The following CYP39A1 variants were observed in gnomAD, a reference collection of about 807,000 sequenced individuals.
CYP39A1 encodes the protein 24-hydroxycholesterol 7-alpha-hydroxylase.
In CYP39A1, 49 loss-of-function variants were observed where a neutral mutation model predicts 58.1. The observed-to-expected ratio is 0.84, with a 90% CI of 0.67 to 1.07. The LOEUF (loss-of-function observed/expected upper bound fraction) is 1.07. Among genes scored for constraint, CYP39A1 ranks in the 50% least tolerant of loss-of-function variants. The pLI is 0.00. For synonymous variants in CYP39A1, 209 were observed against 187.6 expected (o/e 1.11, Z -0.93); for missense variants, 531 against 539.4 (o/e 0.98, Z 0.16).
intron 7 of CYP39A1, among the ~76,000 whole-genome samples, chr6:46,601,688 A>C (rs528109772): frequency 1.3e-5 from 2 of 149,426 alleles, no homozygotes; most frequent in Non-Finnish European, 3.0e-5. Flanking sequence ...TATTATTATT[A>C]TTATTATTAT....
At chr6:46,611,097 T>C (rs910449715) in intron 7 of CYP39A1, among the ~76,000 whole-genome samples, 1 of 152,214 alleles carries the variant, frequency 6.6e-6, no homozygotes, top group African/African-American at 2.4e-5. Flanking sequence ...ACCACACATG[T>C]TTCTACTCTC....
chr6:46,639,176 G>A (rs1246341058), intron 3 of CYP39A1, among the ~76,000 whole-genome samples: 1 of 152,094 alleles, frequency 6.6e-6, no homozygotes, highest in African/African-American at 2.4e-5. Flanking sequence ...ATTATAAGAA[G>A]AAAATCCGTG....
intron 10 of CYP39A1, among the ~76,000 whole-genome samples, chr6:46,558,953 G>A (rs1052155197): frequency 8.4e-5 from 12 of 142,672 alleles, no homozygotes; most frequent in East Asian, 2.1e-4. Flanking sequence ...CCGAGATCGC[G>A]CCACTGCGCT....
At chr6:46,552,279 C>T (rs1342965730) in intron 11 of CYP39A1, among the ~76,000 whole-genome samples, 5 of 152,098 alleles carry the variant, frequency 3.3e-5, no homozygotes, top group African/African-American at 9.7e-5. Flanking sequence ...GTCCATAAAG[C>T]CTGACCCTGA....
At chr6:46,638,563 T>C (rs1037904586) in intron 3 of CYP39A1, among the ~76,000 whole-genome samples, 14 of 152,238 alleles carry the variant, frequency 9.2e-5, no homozygotes, top group Non-Finnish European at 1.5e-4. Context: ...ACTGTTTATT[T>C]AATTTTTATT....
intron 10 of CYP39A1, among the ~76,000 whole-genome samples, chr6:46,579,666 A>G (rs536827850): frequency 1.3e-5 from 2 of 152,330 alleles, no homozygotes; most frequent in African/African-American, 4.8e-5. Flanking sequence ...AAGTTTCAGA[A>G]TACAAAATCA....
In CYP39A1 at chr6:46,588,126, A is replaced by C. The variant is rs771986688; in HGVS notation, c.1069T>G (p.Tyr357Asp). ...KVVKPVEILNYIIPSGDLLML... is the reference protein window; with the variant it reads ...KVVKPVEILNDIIPSGDLLML... ...AACAAGTCACCAGAAGGAATGATGT[A>C]ATTCTATAACAGAAAAATCAGCTGC... Residue 357 changes from tyrosine to aspartate, a missense_variant, in exon 9 of 12, where the codon TAC becomes GAC. Transcript: ENST00000275016. 12 of 1,575,878 alleles carry C rather than the reference A, an allele frequency of 7.6e-6. No homozygotes were observed. Among genetic ancestry groups the C allele is most frequent in the African/African-American group, 1.4e-5 (1 of 73,654 alleles).
intron 10 of CYP39A1, among the ~76,000 whole-genome samples, chr6:46,563,580 A>T (rs1369757817): frequency 1.3e-5 from 2 of 152,216 alleles, no homozygotes; most frequent in African/African-American, 4.8e-5. Flanking sequence ...GAGAGATGGA[A>T]GAGGTCACAA....
intron 10 of CYP39A1, among the ~76,000 whole-genome samples, chr6:46,576,519 A>C (rs1771856271): frequency 6.6e-6 from 1 of 152,206 alleles, no homozygotes; most frequent in Admixed American, 6.5e-5. Context: ...GAAATGACAG[A>C]TATAGAATTC....
At chr6:46,569,189 T>C (rs1771451810) in intron 10 of CYP39A1, among the ~76,000 whole-genome samples, 1 of 152,104 alleles carries the variant, frequency 6.6e-6, no homozygotes, top group African/African-American at 2.4e-5. Flanking sequence ...ATTGTTCAGT[T>C]AGTATATAAA....
intron 5 of CYP39A1, among the ~76,000 whole-genome samples, chr6:46,631,628 A>C (rs1382031339): frequency 6.6e-6 from 1 of 152,132 alleles, no homozygotes; most frequent in Admixed American, 6.5e-5. Flanking sequence ...TCAGGAGAAA[A>C]CTACACCCCC....
chr6:46,633,863 G>GA (rs11442056), intron 5 of CYP39A1, among the ~76,000 whole-genome samples: 2,369 of 149,018 alleles, frequency 0.016, 56 homozygotes, highest in African/African-American at 0.055. Context: ...TCTCAAAAAA[G>GA]AAAAAAAAAT....
chr6:46,581,314 G>A (rs1185337555), intron 10 of CYP39A1, among the ~76,000 whole-genome samples: 1 of 151,872 alleles, frequency 6.6e-6, no homozygotes, highest in Non-Finnish European at 1.5e-5. Flanking sequence ...AGGAGGCTGA[G>A]GCAGGAGGAT....
At chr6:46,585,354 GATA>G (rs1318565714) in intron 10 of CYP39A1, among the ~76,000 whole-genome samples, 2 of 152,070 alleles carry the variant, frequency 1.3e-5, no homozygotes, top group Non-Finnish European at 2.9e-5. Context: ...TAGATAGATA[GATA>G]GATAGACAGA....
intron 7 of CYP39A1, among the ~76,000 whole-genome samples, chr6:46,618,665 A>T (rs1774765177): frequency 6.6e-6 from 1 of 152,104 alleles, no homozygotes; most frequent in Admixed American, 6.5e-5. Flanking sequence ...CTGATAAGAT[A>T]TTGGCTGGGA....
chr6:46,591,845 A>C (rs1322563925), intron 8 of CYP39A1, among the ~76,000 whole-genome samples: 2 of 152,146 alleles, frequency 1.3e-5, no homozygotes, highest in Non-Finnish European at 2.9e-5. Context: ...TGTATAAGGA[A>C]GCTAATTCTT....
At chr6:46,639,308 G>A (rs564795575) in intron 3 of CYP39A1, among the ~76,000 whole-genome samples, 186 bp downstream of exon 3, 1 of 151,342 alleles carries the variant, frequency 6.6e-6, no homozygotes, top group South Asian at 2.1e-4. Flanking sequence ...GAATTTAAAA[G>A]ATTGGTGACA....
At chr6:46,625,106 T>C (rs527393677) in intron 7 of CYP39A1, among the ~76,000 whole-genome samples, 3 of 152,200 alleles carry the variant, frequency 2.0e-5, no homozygotes, top group South Asian at 2.1e-4. Context: ...ATTCATTCAA[T>C]TGAGGTGAGG....
Position 46,615,813 on chromosome 6 carries a change from T to C in CYP39A1, c.931+9605A>G, listed in dbSNP as rs567492106. Reference sequence around the variant, plus strand: ...CTCAAAGAGTTTTGTGAGCCCACAGTGAGGCCACATCTGCTGTCTCTGACC... The same window carrying C: ...CTCAAAGAGTTTTGTGAGCCCACAGCGAGGCCACATCTGCTGTCTCTGACC... On this transcript the variant is annotated intron_variant, in intron 7 of 11. Transcript: ENST00000275016. Among the ~76,000 whole-genome samples, 6 of 152,164 alleles carry C rather than the reference T, an allele frequency of 3.9e-5. No individual in the cohort carries two copies. In the South Asian group the frequency reaches 8.3e-4, roughly 21 times the overall value.
Sources: allele counts gnomAD v4.1 joint callset (sites outside exome capture counted in the v4.1 genomes callset), GRCh38; gene constraint gnomAD v4.1.1; transcripts MANE v1.5; gene names NCBI Gene and HGNC (gene_info 2026-07-23, HGNC 2026-07-21).